The following LINGO2 variants were observed in gnomAD, a reference collection of about 807,000 sequenced individuals.
LINGO2 encodes leucine-rich repeat and immunoglobulin-like domain-containing nogo receptor-interacting protein 2.
LINGO2 carries 14 observed loss-of-function variants against 30.6 expected under a neutral mutation model. That is an observed-to-expected ratio of 0.46 (90% CI 0.30 to 0.72). The LOEUF (loss-of-function observed/expected upper bound fraction) is 0.72, where lower values mean the gene tolerates loss of function less well. Ranked by LOEUF, LINGO2 falls within the 30% of genes least tolerant of loss-of-function variation. The pLI is 0.07. For synonymous variants in LINGO2, 317 were observed against 288.5 expected (o/e 1.10, Z -1.00); for missense variants, 729 against 751.7 (o/e 0.97, Z 0.35).
chr9:28,913,207 T>C, the LINGO2 span, among the ~76,000 whole-genome samples: 8 of 152,072 alleles, frequency 5.3e-5, no homozygotes, highest in South Asian at 6.2e-4. Context: ...AAAATCTCTG[T>C]TATCATCATA....
the LINGO2 span, among the ~76,000 whole-genome samples, chr9:29,117,446 A>G: frequency 6.6e-6 from 1 of 152,218 alleles, no homozygotes; most frequent in Non-Finnish European, 1.5e-5. Flanking sequence ...CTTCAGTGAA[A>G]GCTGGCTCCA....
At chr9:28,506,515 T>TATATATATATATATATAG (rs1554729666) in intron 1 of LINGO2, among the ~76,000 whole-genome samples, 2 of 100,604 alleles carry the variant, frequency 2.0e-5, no homozygotes, top group Non-Finnish European at 2.0e-5. Context: ...CATATATATA[T>TATATATATATATATATAG]ATATATAAAC....
At chr9:28,557,297 C>A (rs1040601407) in intron 1 of LINGO2, among the ~76,000 whole-genome samples, 2 of 151,810 alleles carry the variant, frequency 1.3e-5, no homozygotes, top group Admixed American at 6.6e-5. Context: ...AACAAATTTA[C>A]AAGAAAAAAA....
chr9:28,056,206 A>G (rs1010748700), intron 4 of LINGO2, among the ~76,000 whole-genome samples: 1 of 152,046 alleles, frequency 6.6e-6, no homozygotes, highest in African/African-American at 2.4e-5. Flanking sequence ...GGTTTATATT[A>G]TTACTAACAG....
chr9:28,582,030 T>C (rs1487227947), intron 1 of LINGO2, among the ~76,000 whole-genome samples: 2 of 152,024 alleles, frequency 1.3e-5, no homozygotes. Flanking sequence ...TTGTGAGACA[T>C]GTTCTGTATT....
chr9:28,300,830 G>C (rs1824112540), intron 3 of LINGO2, among the ~76,000 whole-genome samples: 1 of 151,156 alleles, frequency 6.6e-6, no homozygotes, highest in Non-Finnish European at 1.5e-5. Flanking sequence ...GAACGGGGAA[G>C]TAAACCAACA....
intron 4 of LINGO2, among the ~76,000 whole-genome samples, chr9:28,247,600 G>A (rs935515956): frequency 2.0e-5 from 3 of 152,130 alleles, no homozygotes; most frequent in Non-Finnish European, 4.4e-5. Context: ...GGCCTGTAGG[G>A]AAGGGACAAA....
chr9:29,065,961 C>T, the LINGO2 span, among the ~76,000 whole-genome samples: 1 of 151,752 alleles, frequency 6.6e-6, no homozygotes, highest in Non-Finnish European at 1.5e-5. Context: ...TTGAGAAAAA[C>T]AACAAAATAT....
chr9:28,191,960 T>C (rs1819837407), intron 4 of LINGO2, among the ~76,000 whole-genome samples: 1 of 152,128 alleles, frequency 6.6e-6, no homozygotes, highest in Non-Finnish European at 1.5e-5. Context: ...ATAACATCTA[T>C]ATTCTGTCGA....
chr9:28,658,708 G>A (rs919659989), intron 1 of LINGO2, among the ~76,000 whole-genome samples: 17 of 151,956 alleles, frequency 1.1e-4, no homozygotes, highest in African/African-American at 3.9e-4. Context: ...TGATGGGGAG[G>A]AGGTTGTCCA....
intron 2 of LINGO2, among the ~76,000 whole-genome samples, chr9:28,419,356 A>C (rs1823094726): frequency 6.6e-6 from 1 of 152,190 alleles, no homozygotes; most frequent in South Asian, 2.1e-4. Context: ...GCAGTAGTTC[A>C]CAAACATTAT....
At chr9:28,715,017 T>C in the LINGO2 span, among the ~76,000 whole-genome samples, 5 of 152,156 alleles carry the variant, frequency 3.3e-5, no homozygotes, top group Non-Finnish European at 1.5e-5. Context: ...TTTTGTATTT[T>C]TATAGGTTAC....
chr9:29,093,359 G>T, the LINGO2 span, among the ~76,000 whole-genome samples: 1 of 132,150 alleles, frequency 7.6e-6, no homozygotes, highest in Middle Eastern at 4.0e-3. Context: ...AAATATATCT[G>T]ATGTCCTATA....
intron 1 of LINGO2, among the ~76,000 whole-genome samples, chr9:28,516,170 G>A (rs1175815745): frequency 6.6e-6 from 1 of 152,024 alleles, no homozygotes; most frequent in Non-Finnish European, 1.5e-5. Flanking sequence ...TATATGTACT[G>A]GGAAACCAAT....
At chr9:28,369,544 T>C (rs532604284) in intron 3 of LINGO2, among the ~76,000 whole-genome samples, 1 of 152,306 alleles carries the variant, frequency 6.6e-6, no homozygotes, top group South Asian at 2.1e-4. Flanking sequence ...ATTTACATAA[T>C]CTGCCTATTC....
At chr9:29,118,217 CACTA>C in the LINGO2 span, among the ~76,000 whole-genome samples, 1 of 152,056 alleles carries the variant, frequency 6.6e-6, no homozygotes, top group East Asian at 1.9e-4. Context: ...ATTCATTCAT[CACTA>C]ACTAATTACA....
intron 4 of LINGO2, among the ~76,000 whole-genome samples, chr9:28,250,418 A>G (rs535973731): frequency 9.9e-5 from 15 of 152,184 alleles, no homozygotes; most frequent in African/African-American, 2.4e-4. Context: ...TTTGCCTCAG[A>G]TATCCCAGAC....
intron 1 of LINGO2, among the ~76,000 whole-genome samples, chr9:28,478,273 T>C (rs1167227780): frequency 6.6e-6 from 1 of 152,096 alleles, no homozygotes; most frequent in Non-Finnish European, 1.5e-5. Flanking sequence ...GCAGCATTTG[T>C]TTTTTTCCTA....
chr9:28,630,721 T>C (rs1016862176), intron 1 of LINGO2, among the ~76,000 whole-genome samples: 1 of 152,066 alleles, frequency 6.6e-6, no homozygotes. Context: ...TATTAGTTAA[T>C]CAAATGGTTA....
Sources: allele counts gnomAD v4.1 joint callset (sites outside exome capture counted in the v4.1 genomes callset), GRCh38; gene constraint gnomAD v4.1.1; transcripts MANE v1.5; gene names NCBI Gene and HGNC (gene_info 2026-07-23, HGNC 2026-07-21).